The following CCBE1 variants were observed in gnomAD, a reference collection of about 807,000 sequenced individuals.
The protein encoded by CCBE1 is collagen and calcium-binding EGF domain-containing protein 1.
In CCBE1, 37 loss-of-function variants were observed where a neutral mutation model predicts 50.0. The observed-to-expected ratio is 0.74, with a 90% confidence interval of 0.57 to 0.97. The LOEUF is 0.97. Ranked by LOEUF, CCBE1 falls within the 50% of genes least tolerant of loss-of-function variation. The pLI, the probability that CCBE1 is intolerant of heterozygous loss-of-function variation, is 0.00. For missense variants in CCBE1, 538 were observed against 523.8 expected (o/e 1.03, Z -0.26); for synonymous variants, 234 against 203.7 (o/e 1.15, Z -1.27).
intron 2 of CCBE1, among the ~76,000 whole-genome samples, chr18:59,668,345 A>C (rs1487462785): frequency 2.6e-5 from 4 of 151,974 alleles, no homozygotes; most frequent in Admixed American, 6.6e-5. Flanking sequence ...GTTACCTGGG[A>C]GGCAGAGGTT....
intron 2 of CCBE1, among the ~76,000 whole-genome samples, chr18:59,688,018 T>A (rs1791278): frequency 6.6e-6 from 1 of 152,130 alleles, no homozygotes; most frequent in South Asian, 2.1e-4. Context: ...CTGTATAGTG[T>A]TATAATATAT....
rs902744548 is a variant in CCBE1, at chr18:59,434,246, A to T, written c.*1662T>A. 6.6e-6 allele frequency: 1 copy of T among 152,194 alleles called. No individual in the cohort carries two copies. Among genetic ancestry groups the T allele is most frequent in the African/African-American group, 2.4e-5 (1 of 41,438 alleles). 9.4% of individuals were successfully genotyped at this position (152,194 alleles called of 1,614,324 possible). The stretch of plus-strand genomic sequence containing the variant: ...AGTGGAGTTAAATGATGTGGGCTAA[A>T]AGGTGGAGGCAAAAAAGCCAAAAAG... On this transcript the variant is annotated 3_prime_UTR_variant, in exon 11 of 11. Coordinates refer to ENST00000439986, the MANE Select transcript of CCBE1 (RefSeq NM_133459.4).
chr18:59,558,234 TTCTC>T (rs2052682261), intron 2 of CCBE1, among the ~76,000 whole-genome samples: 1 of 152,196 alleles, frequency 6.6e-6, no homozygotes, highest in South Asian at 2.1e-4. Flanking sequence ...TGAACACAGT[TTCTC>T]TCAATTCAGC....
chr18:59,582,062 C>T (rs374399715), intron 2 of CCBE1, among the ~76,000 whole-genome samples: 1 of 152,046 alleles, frequency 6.6e-6, no homozygotes, highest in African/African-American at 2.4e-5. Flanking sequence ...TCCTGTTCTT[C>T]TCACAAAACC....
rs2054821360 is a variant in CCBE1, at chr18:59,697,234, CT to C, written c.108del (p.Glu37ArgfsTer24). 2 of 1,549,142 alleles carry C rather than the reference CT, an allele frequency of 1.3e-6. No individual in the cohort carries two copies. Among genetic ancestry groups the C allele is most frequent in the African/African-American group, 2.7e-5 (2 of 73,124 alleles). The part of the protein sequence containing the change: ...LLALGHTWTY[R>X]EEPEDGDREI... Reference sequence around the variant, plus strand: ...TACCTGTCGCCGTCCTCCGGCTCCTCTCTGTAGGTCCACGTGTGTCCCAACG... The same window carrying C: ...TACCTGTCGCCGTCCTCCGGCTCCTCCTGTAGGTCCACGTGTGTCCCAACG... On this transcript the variant is annotated frameshift_variant, in exon 1 of 11. Transcript: ENST00000439986. LOFTEE classifies it high-confidence loss of function.
At chr18:59,436,771 C>G (rs573126391) in intron 10 of CCBE1, among the ~76,000 whole-genome samples, 2 of 152,148 alleles carry the variant, frequency 1.3e-5, no homozygotes, top group Middle Eastern at 3.4e-3. Context: ...GAGTTCAAGA[C>G]CAACCTGGAA....
At chr18:59,636,715 G>C (rs956523370) in intron 2 of CCBE1, among the ~76,000 whole-genome samples, 1 of 152,150 alleles carries the variant, frequency 6.6e-6, no homozygotes, top group South Asian at 2.1e-4. Context: ...ACATGCTTTG[G>C]ACAGAAGAAA....
At chr18:59,670,015 C>T (rs1450146035) in intron 2 of CCBE1, among the ~76,000 whole-genome samples, 2 of 152,118 alleles carry the variant, frequency 1.3e-5, no homozygotes, top group African/African-American at 2.4e-5. Context: ...ATGTTTTTCT[C>T]GTGTAAACAG....
chr18:59,516,969 A>G (rs1485241393), intron 2 of CCBE1, among the ~76,000 whole-genome samples: 1 of 152,180 alleles, frequency 6.6e-6, no homozygotes, highest in East Asian at 1.9e-4. Context: ...AATAAACCAA[A>G]TACTGATTAA....
intron 2 of CCBE1, chr18:59,564,026 A>C (rs938162279): frequency 3.3e-5 from 5 of 152,152 alleles, no homozygotes; most frequent in African/African-American, 1.2e-4. Flanking sequence ...TGCATAAGGG[A>C]GGTGTGTGAA....
chr18:59,696,478 A>T, intron 2 of CCBE1, 151 bp downstream of exon 2: 8 of 1,510,846 alleles, frequency 5.3e-6, no homozygotes, highest in Non-Finnish European at 7.1e-6. Flanking sequence ...CAACCCTCAA[A>T]GATTCGCACC....
intron 2 of CCBE1, among the ~76,000 whole-genome samples, chr18:59,565,297 T>C (rs1313560286): frequency 6.6e-6 from 1 of 152,194 alleles, no homozygotes; most frequent in Non-Finnish European, 1.5e-5. Flanking sequence ...AAGTGTTTTG[T>C]TCAGAACAGG....
chr18:59,520,372 A>C (rs75526812), intron 2 of CCBE1, among the ~76,000 whole-genome samples: 2,977 of 152,258 alleles, frequency 0.02, 83 homozygotes, highest in African/African-American at 0.067. Context: ...GTTCTTCTTG[A>C]AGACGTTCCT....
rs141422782 is a variant in CCBE1 at position 59,696,652 on chromosome 18, T to C, written c.189A>G (p.Ser63=). The change falls in exon 2 of 11, where the codon TCA becomes TCG. Residue 63 remains serine, a synonymous_variant. Transcript: ENST00000439986. ...ACCTGTAGCATGTGGTGAGCTCGCC[T>C]GAAGACTTCAGACACGGGTATTTAG... ...ATTKYPCLKS[S]GELTTCYRKK... The C allele has an allele frequency of 4.3e-5, 69 of 1,613,962 alleles. No homozygotes were observed. Among genetic ancestry groups the C allele is most frequent in the South Asian group, 2.1e-4 (19 of 91,092 alleles).
At chr18:59,632,767 A>T (rs200314611) in intron 2 of CCBE1, among the ~76,000 whole-genome samples, 6 of 82,598 alleles carry the variant, frequency 7.3e-5, no homozygotes, top group African/African-American at 4.7e-4. Context: ...TTTTTATTTT[A>T]TTTGTTTTAT....
In CCBE1 at chr18:59,601,010, G is replaced by GTTT. The variant is rs71177045; in HGVS notation, c.212+95616_212+95618dup. 1.5e-3 allele frequency among the ~76,000 whole-genome samples: 86 copies of GTTT among 58,014 alleles called. 25 individuals are homozygous for GTTT. Among genetic ancestry groups the GTTT allele is most frequent in the African/African-American group, 1.7e-3 (31 of 18,618 alleles). The allele number at this position is 58,014 out of a possible 152,430, so 38.1% of individuals were successfully genotyped here. On this transcript the variant is annotated intron_variant, in intron 2 of 10. Transcript: ENST00000439986. The stretch of plus-strand genomic sequence containing the variant: ...GATCTATTTTATTAGCTATGTGTCA[G>GTTT]TTTTTTTTTTTTTTTTTTTTTTTTT...
At chr18:59,462,902 C>T (rs189139203) in intron 5 of CCBE1, among the ~76,000 whole-genome samples, 12 of 152,222 alleles carry the variant, frequency 7.9e-5, no homozygotes, top group South Asian at 4.2e-4. Flanking sequence ...ATGCCTTTAA[C>T]GCAAATAATA....
intron 2 of CCBE1, among the ~76,000 whole-genome samples, chr18:59,652,232 A>C (rs894547003): frequency 2.6e-5 from 4 of 152,214 alleles, no homozygotes; most frequent in Non-Finnish European, 5.9e-5. Context: ...TTTCACTTAC[A>C]TACTACACCT....
intron 2 of CCBE1, among the ~76,000 whole-genome samples, chr18:59,499,882 G>T (rs1268584310): frequency 1.3e-5 from 2 of 152,158 alleles, no homozygotes; most frequent in Non-Finnish European, 2.9e-5. Flanking sequence ...GAACAAGAAG[G>T]GTCTTCCAAA....
Sources: gnomAD v4.1 joint callset for allele counts (sites outside exome capture counted in the v4.1 genomes callset) on GRCh38, gnomAD v4.1.1 for gene constraint, MANE v1.5 for transcripts, NCBI Gene and HGNC (gene_info 2026-07-23, HGNC 2026-07-21) for gene names.